FOXO3: variants seen among roughly 807,000 people sequenced by gnomAD.
FOXO3 encodes the protein forkhead box protein O3.
A neutral mutation model predicts 41.9 loss-of-function variants in FOXO3; 4 were observed. The observed-to-expected ratio is 0.10, with a 90% CI of 0.05 to 0.22. FOXO3 has a LOEUF of 0.22. FOXO3 is among the 10% of genes least tolerant of loss of function. The pLI is 1.00. For synonymous variants in FOXO3, 318 were observed against 389.3 expected (o/e 0.82, Z 2.16); for missense variants, 534 against 906.8 (o/e 0.59, Z 5.28).
chr6:108,653,497 A>C (rs1010599970), intron 1 of FOXO3, among the ~76,000 whole-genome samples: 5 of 152,148 alleles, frequency 3.3e-5, no homozygotes, highest in Admixed American at 1.3e-4. Flanking sequence ...GTTGACACTT[A>C]GGAGCTGATT....
At chr6:108,636,358 C>T (rs911743428) in intron 1 of FOXO3, among the ~76,000 whole-genome samples, 7 of 152,168 alleles carry the variant, frequency 4.6e-5, no homozygotes, top group Non-Finnish European at 5.9e-5. Context: ...GATCTCTAAA[C>T]AGGAGATCAC....
At chr6:108,616,204 G>A (rs916132872) in intron 1 of FOXO3, among the ~76,000 whole-genome samples, 88 of 118,436 alleles carry the variant, frequency 7.4e-4, no homozygotes, top group African/African-American at 2.6e-3. Flanking sequence ...TCATTCTGTC[G>A]CCCAGGCTTG....
chr6:108,679,115 C>T, intron 2 of FOXO3, among the ~76,000 whole-genome samples: 1 of 152,034 alleles, frequency 6.6e-6, no homozygotes. Context: ...TCGTGATCTG[C>T]CCTCCTCAGC....
chr6:108,570,610 G>C (rs766608070), intron 1 of FOXO3, among the ~76,000 whole-genome samples: 4 of 152,158 alleles, frequency 2.6e-5, no homozygotes, highest in African/African-American at 4.8e-5. Flanking sequence ...TTATAAACAT[G>C]AGCCCCTGCA....
At chr6:108,636,955 G>C (rs1236747822) in intron 1 of FOXO3, among the ~76,000 whole-genome samples, 2 of 152,152 alleles carry the variant, frequency 1.3e-5, no homozygotes, top group Non-Finnish European at 2.9e-5. Flanking sequence ...GAATAAGGAG[G>C]CTGTGTAAAT....
At chr6:108,571,106 A>G (rs1395085251) in intron 1 of FOXO3, among the ~76,000 whole-genome samples, 1 of 152,158 alleles carries the variant, frequency 6.6e-6, no homozygotes, top group Non-Finnish European at 1.5e-5. Context: ...TTTTAGTGCT[A>G]TTTTGATTGG....
chr6:108,676,068 G>T (rs758924415), intron 2 of FOXO3, among the ~76,000 whole-genome samples: 8 of 152,186 alleles, frequency 5.3e-5, no homozygotes, highest in Non-Finnish European at 8.8e-5. Flanking sequence ...TCTCACCAGA[G>T]ACCAGATGAC....
intron 1 of FOXO3, among the ~76,000 whole-genome samples, chr6:108,654,830 G>T (rs1253419354): frequency 6.6e-6 from 1 of 151,468 alleles, no homozygotes; most frequent in Non-Finnish European, 1.5e-5. Context: ...GGTTGTTTGT[G>T]CAATCTTTTA....
chr6:108,609,402 G>T (rs182265647), intron 1 of FOXO3, among the ~76,000 whole-genome samples: 1 of 152,286 alleles, frequency 6.6e-6, no homozygotes, highest in Non-Finnish European at 1.5e-5. Flanking sequence ...GTTGCTGATG[G>T]GCCTGGGTTC....
intron 1 of FOXO3, 33 bp from the exon 2 acceptor site, chr6:108,663,416 ATTCTGG>A (rs765350478): frequency 1.3e-6 from 2 of 1,553,158 alleles, no homozygotes; most frequent in Admixed American, 4.0e-5. Flanking sequence ...GTTTTGGACC[ATTCTGG>A]TTCATACTCT....
intron 1 of FOXO3, among the ~76,000 whole-genome samples, chr6:108,571,925 T>A (rs1776114312): frequency 1.3e-5 from 2 of 152,240 alleles, no homozygotes; most frequent in African/African-American, 4.8e-5. Context: ...TAATCATTCA[T>A]AGGCTACTTT....
chr6:108,641,844 G>T (rs1252773408), intron 1 of FOXO3, among the ~76,000 whole-genome samples: 2 of 152,118 alleles, frequency 1.3e-5, no homozygotes, highest in Non-Finnish European at 2.9e-5. Context: ...TATTTTGCTT[G>T]TAAAGGAGAA....
intron 1 of FOXO3, among the ~76,000 whole-genome samples, chr6:108,626,028 T>G (rs927849936): frequency 2.6e-5 from 4 of 152,114 alleles, no homozygotes; most frequent in South Asian, 2.1e-4. Flanking sequence ...GAGGTGAGGG[T>G]GAGCGGGGGA....
At chr6:108,588,885 C>G (rs1776658768) in intron 1 of FOXO3, among the ~76,000 whole-genome samples, 1 of 152,234 alleles carries the variant, frequency 6.6e-6, no homozygotes, top group Non-Finnish European at 1.5e-5. Context: ...GGTTTGTTCT[C>G]AAGCAACTGG....
rs1770859720 is a variant in FOXO3 at position 108,681,677 on chromosome 6, A to G, written c.*1885A>G. 1 of 151,828 alleles carries G rather than the reference A, an allele frequency of 6.6e-6. No homozygotes were observed. Among genetic ancestry groups the G allele is most frequent in the African/African-American group, 2.4e-5 (1 of 41,244 alleles). The allele number at this position is 151,828 out of a possible 1,614,324, so 9.4% of individuals were successfully genotyped here. On this transcript the variant is annotated 3_prime_UTR_variant, in exon 3 of 3. Coordinates refer to ENST00000406360, the MANE Select transcript of FOXO3 (RefSeq NM_001455.4). ...TACTGAATCTGTAAATTGTTGTGCAATTGTGGTTATAGTAGACTGTAGCAC... is the reference window on the plus strand; with the variant it reads ...TACTGAATCTGTAAATTGTTGTGCAGTTGTGGTTATAGTAGACTGTAGCAC...
chr6:108,584,804 A>G (rs1776528092), intron 1 of FOXO3, among the ~76,000 whole-genome samples: 1 of 152,160 alleles, frequency 6.6e-6, no homozygotes, highest in African/African-American at 2.4e-5. Flanking sequence ...TAATAGAATA[A>G]CAATAATGAT....
At chr6:108,577,032 TGA>T (rs1776282275) in intron 1 of FOXO3, among the ~76,000 whole-genome samples, 4 of 152,326 alleles carry the variant, frequency 2.6e-5, no homozygotes, top group Admixed American at 1.3e-4. Context: ...TTGAGTGCTC[TGA>T]GAGTTACTTC....
chr6:108,605,444 C>T (rs933860814), intron 1 of FOXO3, among the ~76,000 whole-genome samples: 2 of 151,974 alleles, frequency 1.3e-5, no homozygotes, highest in Non-Finnish European at 2.9e-5. Flanking sequence ...TTTATTTTTG[C>T]GATTTTGAAA....
At chr6:108,662,940 A>G (rs1469590538) in intron 1 of FOXO3, among the ~76,000 whole-genome samples, 2 of 152,236 alleles carry the variant, frequency 1.3e-5, no homozygotes, top group Admixed American at 1.3e-4. Flanking sequence ...TCTCTTGGAC[A>G]TGAAATCATC....
Sources: gnomAD v4.1 joint callset for allele counts (sites outside exome capture counted in the v4.1 genomes callset) on GRCh38, gnomAD v4.1.1 for gene constraint, MANE v1.5 for transcripts, NCBI Gene and HGNC (gene_info 2026-07-23, HGNC 2026-07-21) for gene names.